The following SNX13 variants were observed in gnomAD, a reference collection of about 807,000 sequenced individuals.
SNX13 encodes sorting nexin-13.
In SNX13, 45 loss-of-function variants were observed where a neutral mutation model predicts 133.6. The ratio of observed to expected loss-of-function variants is 0.34; its 90% confidence interval spans 0.27 to 0.43. The LOEUF is 0.43. SNX13 is among the 20% of genes least tolerant of loss of function. The pLI, the probability that SNX13 is intolerant of heterozygous loss-of-function variation, is 1.00. For missense variants in SNX13, 1,032 were observed against 1,145.1 expected, an observed-to-expected ratio of 0.90 and a Z score of 1.43; for synonymous variants, 414 against 373.9, an observed-to-expected ratio of 1.11 and a Z score of -1.24.
Position 17,839,691 on chromosome 7 carries a change from T to C in SNX13, c.1359+116A>G, listed in dbSNP as rs979493113. On this transcript the variant is annotated intron_variant, in intron 13 of 25. Transcript: ENST00000428135. ...AGGATACAGACAGACAGGAAGATTG[T>C]TATCGATTAAAGGAGACAATGTTTT... The C allele has an allele frequency of 1.3e-5, 10 of 759,242 alleles. No individual in the cohort carries two copies. In the Admixed American group the frequency reaches 2.1e-4, roughly 16 times the overall value. 47.0% of individuals were successfully genotyped at this position (759,242 alleles called of 1,614,324 possible).
intron 5 of SNX13, among the ~76,000 whole-genome samples, chr7:17,884,505 C>T (rs182581723): frequency 2.0e-5 from 3 of 152,136 alleles, no homozygotes; most frequent in Admixed American, 6.6e-5. Context: ...TTTGTATAGG[C>T]AGCCACTATC....
intron 3 of SNX13, among the ~76,000 whole-genome samples, chr7:17,892,505 A>T (rs1796731753): frequency 1.3e-5 from 2 of 151,806 alleles, no homozygotes; most frequent in African/African-American, 2.4e-5. Flanking sequence ...TATAAGTAAA[A>T]AAAAAAAAAT....
At chr7:17,811,878 C>T (rs990579785) in intron 20 of SNX13, among the ~76,000 whole-genome samples, 1 of 152,044 alleles carries the variant, frequency 6.6e-6, no homozygotes, top group Non-Finnish European at 1.5e-5. Flanking sequence ...AAAACCCTGA[C>T]AAAAACAAGC....
rs1310800765 is a variant in SNX13 at position 17,940,491 on chromosome 7, G to T, written c.-196C>A. The T allele has an allele frequency of 4.2e-6, 3 of 715,288 alleles. No individual in the cohort carries two copies. Among genetic ancestry groups the T allele is most frequent in the Non-Finnish European group, 7.5e-6 (3 of 397,990 alleles). The allele number at this position is 715,288 out of a possible 1,614,324, so 44.3% of individuals were successfully genotyped here. On this transcript the variant is annotated 5_prime_UTR_variant, in exon 1 of 26. Transcript: ENST00000428135. ...CGACGGACGCGCCGCCATCTTGGAAGAGCGACGTCCGCGTCTCGCTGCAAC... is the reference window on the plus strand; with the variant it reads ...CGACGGACGCGCCGCCATCTTGGAATAGCGACGTCCGCGTCTCGCTGCAAC...
intron 1 of SNX13, among the ~76,000 whole-genome samples, chr7:17,938,566 T>A (rs545755586): frequency 2.0e-5 from 3 of 152,220 alleles, no homozygotes; most frequent in Admixed American, 6.5e-5. Context: ...TTATAAGTTG[T>A]GCAGTGTTCA....
At chr7:17,807,048 G>A (rs1365919501) in intron 20 of SNX13, among the ~76,000 whole-genome samples, 1 of 152,162 alleles carries the variant, frequency 6.6e-6, no homozygotes, top group African/African-American at 2.4e-5. Context: ...CAGACACCAA[G>A]CTAGCTGCAG....
intron 25 of SNX13, chr7:17,795,614 T>G (rs1783959991): frequency 6.6e-6 from 1 of 151,712 alleles, no homozygotes; most frequent in South Asian, 2.1e-4. Context: ...TTCCATTTAT[T>G]TGTTCTGTGT....
chr7:17,871,042 G>A (rs2128349173), intron 8 of SNX13, among the ~76,000 whole-genome samples: 1 of 150,612 alleles, frequency 6.6e-6, no homozygotes, highest in African/African-American at 2.4e-5. Context: ...GTCTGGCTCT[G>A]TCGCCCAGGC....
rs904425010 is a variant in SNX13 at position 17,845,652 on chromosome 7, A to C, written c.1108T>G (p.Cys370Gly). The change falls in exon 12 of 26, where the codon TGC becomes GGC. Residue 370 changes from cysteine (C) to glycine (G), a missense_variant. Coordinates refer to ENST00000428135, the MANE Select transcript of SNX13 (RefSeq NM_015132.5). ...AGAATGCTGTCCAGGGGGACTGTGC[A>C]AAGTTTCCCAAAGTTTGCTGCAAGT... ...VKLAANFGKL[C>G]TVPLDSILVD... 23 of 1,602,376 alleles carry C rather than the reference A, an allele frequency of 1.4e-5. No homozygotes were observed. The highest frequency in any genetic ancestry group is 2.0e-5 in the Non-Finnish European group (23 of 1,174,668).
At chr7:17,928,932 A>T (rs907672233) in intron 1 of SNX13, among the ~76,000 whole-genome samples, 6 of 152,210 alleles carry the variant, frequency 3.9e-5, no homozygotes, top group African/African-American at 1.4e-4. Context: ...TGCTCATGAA[A>T]AAAGTATATA....
Position 17,803,588 on chromosome 7 carries a change from G to GA in SNX13, c.2065-9dup. ...ATTTACAAAAGTGTCCATCTAAAGG[G>GA]AAAAAAGATATTATACCATGACTTT... On this transcript the variant is annotated splice_polypyrimidine_tract_variant and intron_variant, in intron 20 of 25. Coordinates refer to ENST00000428135, the MANE Select transcript of SNX13 (RefSeq NM_015132.5). 6.3e-7 allele frequency: 1 copy of GA among 1,590,830 alleles called. No individual in the cohort carries two copies.
intron 5 of SNX13, among the ~76,000 whole-genome samples, chr7:17,885,859 C>T (rs1427016233): frequency 6.6e-6 from 1 of 152,000 alleles, no homozygotes; most frequent in East Asian, 1.9e-4. Flanking sequence ...AACTATTTCC[C>T]CTTCTTTTAA....
chr7:17,895,409 T>C (rs1253939355), intron 2 of SNX13, among the ~76,000 whole-genome samples: 1 of 152,152 alleles, frequency 6.6e-6, no homozygotes, highest in African/African-American at 2.4e-5. Flanking sequence ...GCATTCTTTA[T>C]ATTAAAAAAT....
At chr7:17,901,325 T>G (rs753344805) in intron 1 of SNX13, among the ~76,000 whole-genome samples, 3 of 152,172 alleles carry the variant, frequency 2.0e-5, no homozygotes, top group Non-Finnish European at 4.4e-5. Context: ...TCGCCCCAGC[T>G]GGTGTCTCAC....
intron 5 of SNX13, among the ~76,000 whole-genome samples, chr7:17,886,625 A>C (rs935632955): frequency 2.6e-5 from 4 of 152,110 alleles, no homozygotes; most frequent in African/African-American, 7.2e-5. Flanking sequence ...CTTTCTGCTA[A>C]TCTTGGGTTA....
chr7:17,844,368 T>A (rs969535581), intron 12 of SNX13, among the ~76,000 whole-genome samples: 2 of 151,762 alleles, frequency 1.3e-5, no homozygotes, highest in South Asian at 4.2e-4. Context: ...GAATTGAAAA[T>A]CTGAGGAGAC....
intron 1 of SNX13, among the ~76,000 whole-genome samples, chr7:17,939,035 A>G (rs1361308333): frequency 2.6e-5 from 4 of 152,248 alleles, no homozygotes; most frequent in Non-Finnish European, 5.9e-5. Flanking sequence ...TACGTACTGT[A>G]GAAGTTACAA....
intron 9 of SNX13, among the ~76,000 whole-genome samples, chr7:17,852,130 T>G (rs949190486): frequency 6.6e-6 from 1 of 152,226 alleles, no homozygotes. Flanking sequence ...TCGCAGCACT[T>G]TGGTAGGCCA....
At chr7:17,825,310 T>TAGACC (rs1285228064) in intron 17 of SNX13, among the ~76,000 whole-genome samples, 1 of 151,534 alleles carries the variant, frequency 6.6e-6, no homozygotes, top group Admixed American at 6.6e-5. Flanking sequence ...TAGACTAGAC[T>TAGACC]ATAAAATCTC....
Sources: gnomAD v4.1 joint callset for allele counts (sites outside exome capture counted in the v4.1 genomes callset) on GRCh38, gnomAD v4.1.1 for gene constraint, MANE v1.5 for transcripts, NCBI Gene and HGNC (gene_info 2026-07-23, HGNC 2026-07-21) for gene names.